CLN8: variants seen among roughly 807,000 people sequenced by gnomAD.
CLN8 encodes the protein CLN8 transmembrane ER and ERGIC protein, also known as protein CLN8.
In CLN8, 14 loss-of-function variants were observed where a neutral mutation model predicts 15.7. That is an observed-to-expected ratio of 0.89 (90% CI 0.59 to 1.39). CLN8 has a LOEUF of 1.39. Ranked by LOEUF, CLN8 falls within the 40% of genes most tolerant of loss-of-function variation. The probability of loss-of-function intolerance (pLI) is 0.00; values close to 1 mark genes in which losing one functional copy is unlikely to be tolerated. For missense variants in CLN8, 415 were observed against 364.0 expected (o/e 1.14, Z -1.14); for synonymous variants, 188 against 151.0 (o/e 1.25, Z -1.80).
upstream of CLN8, among the ~76,000 whole-genome samples, chr8:1,761,446 T>C (rs1303235707): frequency 1.3e-5 from 2 of 152,218 alleles, no homozygotes; most frequent in African/African-American, 2.4e-5. Flanking sequence ...TGCCTCAGGC[T>C]CCCAAGTAGT....
chr8:1,754,932 A>G (rs1800633376), upstream of CLN8, among the ~76,000 whole-genome samples: 1 of 152,208 alleles, frequency 6.6e-6, no homozygotes, highest in Admixed American at 6.5e-5. Context: ...CAGCCACTGA[A>G]GGAGAAGGAG....
chr8:1,769,888 G>GTA (rs1405725309), intron 1 of CLN8, among the ~76,000 whole-genome samples: 2 of 152,326 alleles, frequency 1.3e-5, no homozygotes, highest in African/African-American at 4.8e-5. Context: ...CCCTCACAGA[G>GTA]CTTGCTGTCC....
At chr8:1,754,727 C>A (rs1366712263), upstream of CLN8, among the ~76,000 whole-genome samples, 5 of 152,218 alleles carry the variant, frequency 3.3e-5, no homozygotes, top group Admixed American at 1.3e-4. Flanking sequence ...AGAGCAGGGA[C>A]TATGGGCAAG....
intron 2 of CLN8, among the ~76,000 whole-genome samples, chr8:1,776,427 C>T (rs1360201928): frequency 6.6e-6 from 1 of 151,444 alleles, no homozygotes; most frequent in Non-Finnish European, 1.5e-5. Context: ...GTTGGATATG[C>T]ATGTGGCCCT....
chr8:1,763,392 G>GCGCTGCGCCCCGCCCCC (rs1563100842), upstream of CLN8: 1 of 30,838 alleles, frequency 3.2e-5, no homozygotes, highest in Non-Finnish European at 6.3e-5. Flanking sequence ...AGCGCCCGCC[G>GCGCTGCGCCCCGCCCCC]CGCCGCGCCC....
In CLN8 at chr8:1,771,345, T is replaced by C. The variant is rs1801296116; in HGVS notation, c.291T>C (p.Arg97=). 4 of 1,614,052 alleles carry C rather than the reference T, an allele frequency of 2.5e-6. No individual in the cohort carries two copies. In the African/African-American group the frequency reaches 5.3e-5, roughly 22 times the overall value. Residue 97 remains arginine, a synonymous_variant, in exon 2 of 3, where the codon CGT becomes CGC. Transcript: ENST00000331222. ...GDPVLHADKA[R]GQQNWCWFHI... ...CTGTGCTGCATGCCGACAAGGCGCG[T>C]GGCCAGCAGAACTGGTGCTGGTTTC...
At position 1,782,292 on chromosome 8, in the gene CLN8, C is replaced by G. The variant is rs945650861; in HGVS notation, c.*1725C>G. Reference sequence around the variant, plus strand: ...TTCAAGTAGCTGGGATTACAGGTACCTCTACCATGCCTGGCTGATTTTTTG... The same window carrying G: ...TTCAAGTAGCTGGGATTACAGGTACGTCTACCATGCCTGGCTGATTTTTTG... On this transcript the variant is annotated 3_prime_UTR_variant, in exon 3 of 3. Coordinates refer to ENST00000331222, the MANE Select transcript of CLN8 (RefSeq NM_018941.4). The G allele has an allele frequency of 6.6e-6, 1 of 151,958 alleles. No homozygotes were observed. Among genetic ancestry groups the G allele is most frequent in the Admixed American group, 6.6e-5 (1 of 15,246 alleles). The allele number at this position is 151,958 out of a possible 1,614,324, so 9.4% of individuals were successfully genotyped here. A position where few individuals can be genotyped will look rare whatever the true frequency, so the allele number is the denominator to read the frequency against.
In CLN8 at chr8:1,780,957, C is replaced by T. The variant is rs1801697158; in HGVS notation, c.*390C>T. On this transcript the variant is annotated 3_prime_UTR_variant, in exon 3 of 3. Coordinates refer to ENST00000331222, the MANE Select transcript of CLN8 (RefSeq NM_018941.4). The stretch of plus-strand genomic sequence containing the variant: ...CGTTGACTCTTTCCAGCTGCACACT[C>T]ATATGCCGTGTGTCTTATTCAGAAG... 2 of 264,254 alleles carry T rather than the reference C, an allele frequency of 7.6e-6. No individual in the cohort carries two copies. The highest frequency in any genetic ancestry group is 6.7e-5 in the South Asian group (1 of 14,976). 16.4% of individuals were successfully genotyped at this position (264,254 alleles called of 1,614,324 possible). A position where few individuals can be genotyped will look rare whatever the true frequency, so the allele number is the denominator to read the frequency against.
At position 1,763,799 on chromosome 8, in the gene CLN8, G is replaced by A. The variant is rs569845444; in HGVS notation, c.-210G>A. 6.6e-6 allele frequency: 1 copy of A among 150,764 alleles called. No individual in the cohort carries two copies. Among genetic ancestry groups the A allele is most frequent in the Admixed American group, 6.6e-5 (1 of 15,174 alleles). The allele number at this position is 150,764 out of a possible 1,614,324, so 9.3% of individuals were successfully genotyped here. On this transcript the variant is annotated 5_prime_UTR_variant, in exon 1 of 3. Coordinates refer to ENST00000331222, the MANE Select transcript of CLN8 (RefSeq NM_018941.4). ...TGTTTGAGGCCGGCCAGTCGTGACT[G>A]GGCGGCAATGAGGTCAGTGACTGCC... is the stretch of plus-strand genomic sequence containing the variant.
At chr8:1,780,180 T>G in intron 2 of CLN8, 70 bp from the exon 3 acceptor site, 2 of 1,613,470 alleles carry the variant, frequency 1.2e-6, no homozygotes, top group East Asian at 4.5e-5. Flanking sequence ...AGCAAATACC[T>G]TTTTGTGATG....
intron 2 of CLN8, among the ~76,000 whole-genome samples, chr8:1,778,075 G>C (rs1307003884): frequency 6.6e-6 from 1 of 152,190 alleles, no homozygotes; most frequent in East Asian, 1.9e-4. Flanking sequence ...TCTGAGGGAG[G>C]TGTGAGATCG....
At chr8:1,767,738 A>C (rs1278949036) in intron 1 of CLN8, among the ~76,000 whole-genome samples, 1 of 151,078 alleles carries the variant, frequency 6.6e-6, no homozygotes, top group African/African-American at 2.4e-5. Flanking sequence ...CGCCCAGCTA[A>C]TTTTTTGTAT....
At chr8:1,760,483 G>C (rs547122624), upstream of CLN8, 4 of 152,186 alleles carry the variant, frequency 2.6e-5, no homozygotes, top group Non-Finnish European at 5.9e-5. Context: ...CCTGTGATCA[G>C]TTATGCCTGT....
chr8:1,755,214 T>G (rs117635893), upstream of CLN8, among the ~76,000 whole-genome samples: 2,014 of 152,316 alleles, frequency 0.013, 15 homozygotes, highest in Non-Finnish European at 0.017. Context: ...CGGGTCTTGA[T>G]AGACACAACC....
chr8:1,761,198 C>T (rs1800788528), upstream of CLN8, among the ~76,000 whole-genome samples: 1 of 151,616 alleles, frequency 6.6e-6, no homozygotes, highest in South Asian at 2.1e-4. Flanking sequence ...ATGTTGCCTA[C>T]ACAGAGCTGA....
chr8:1,773,931 C>G (rs574353343), intron 2 of CLN8: 1 of 152,302 alleles, frequency 6.6e-6, no homozygotes, highest in East Asian at 1.9e-4. Flanking sequence ...TTAATACATC[C>G]CACAAGATGG....
In CLN8 at chr8:1,771,319, C is replaced by T. The variant is rs1486320972; in HGVS notation, c.265C>T (p.Pro89Ser). 1.9e-6 allele frequency: 3 copies of T among 1,614,140 alleles called. No homozygotes were observed. Among genetic ancestry groups the T allele is most frequent in the Admixed American group, 1.7e-5 (1 of 60,022 alleles). ...AAGLWALLGDPVLHADKARGQ... is the reference protein window; with the variant it reads ...AAGLWALLGDSVLHADKARGQ... ...AGGCCTGTGGGCTCTGCTGGGGGAC[C>T]CTGTGCTGCATGCCGACAAGGCGCG... is the stretch of plus-strand genomic sequence containing the variant. Residue 89 changes from proline (P) to serine (S), a missense_variant, in exon 2 of 3, where the codon CCT (proline) becomes TCT (serine). By Grantham distance (74) the Pro-to-Ser change is moderately conservative. Coordinates refer to ENST00000331222, the MANE Select transcript of CLN8 (RefSeq NM_018941.4).
At chr8:1,780,139 A>G in intron 2 of CLN8, 111 bp from the exon 3 acceptor site, 1 of 1,585,090 alleles carries the variant, frequency 6.3e-7, no homozygotes, top group Non-Finnish European at 8.6e-7. Flanking sequence ...TTTTGCTTTG[A>G]AATGAATTTG....
Position 1,786,450 on chromosome 8 carries a change from A to G in CLN8, c.*5883A>G, listed in dbSNP as rs1459320971. ...ATTAATTCCATATTTATCATTTTGA[A>G]TAACTTTTCTCCTTTTTAGTAACAA... On this transcript the variant is annotated 3_prime_UTR_variant, in exon 3 of 3. Coordinates refer to ENST00000331222, the MANE Select transcript of CLN8 (RefSeq NM_018941.4). 1 of 152,214 alleles carries G rather than the reference A, an allele frequency of 6.6e-6. No homozygotes were observed. Among genetic ancestry groups the G allele is most frequent in the African/African-American group, 2.4e-5 (1 of 41,456 alleles). 9.4% of individuals were successfully genotyped at this position (152,214 alleles called of 1,614,324 possible).
Sources: gnomAD v4.1 joint callset for allele counts (sites outside exome capture counted in the v4.1 genomes callset) on GRCh38, gnomAD v4.1.1 for gene constraint, MANE v1.5 for transcripts, NCBI Gene and HGNC (gene_info 2026-07-23, HGNC 2026-07-21) for gene names.